The following NELL2 variants were observed in gnomAD, a reference collection of about 807,000 sequenced individuals.
NELL2 encodes the protein neural EGFL like 2, also known as protein kinase C-binding protein NELL2.
NELL2 carries 41 observed loss-of-function variants against 109.6 expected under a neutral mutation model. The ratio of observed to expected loss-of-function variants is 0.37; its 90% CI spans 0.29 to 0.49. NELL2 has a LOEUF of 0.49. Ranked by LOEUF, NELL2 falls within the 20% of genes least tolerant of loss-of-function variation. The pLI is 0.98. For missense variants in NELL2, 900 were observed against 1,008.3 expected (o/e 0.89, Z 1.45); for synonymous variants, 355 against 344.7 (o/e 1.03, Z -0.33).
intron 3 of NELL2, among the ~76,000 whole-genome samples, chr12:44,781,978 T>TA (rs1307331732): frequency 6.6e-5 from 10 of 151,828 alleles, no homozygotes; most frequent in African/African-American, 2.4e-4. Flanking sequence ...ACATAGTATG[T>TA]AAAAAAGAAA....
Position 44,774,727 on chromosome 12 carries a change from A to G in NELL2, c.994+20T>C. On this transcript the variant is annotated intron_variant, in intron 9 of 19. Transcript: ENST00000429094. Reference sequence around the variant, plus strand: ...CTTTATTTTTCCAAAGAAAGTATTCATCATAAAAGTTATGCTCACATTTGC... The same window carrying G: ...CTTTATTTTTCCAAAGAAAGTATTCGTCATAAAAGTTATGCTCACATTTGC... The G allele has an allele frequency of 3.8e-6, 6 of 1,583,250 alleles. 1 individual carries two copies. The highest frequency in any genetic ancestry group is 1.7e-4 in the Middle Eastern group (1 of 6,006).
intron 12 of NELL2, among the ~76,000 whole-genome samples, chr12:44,687,406 C>T (rs1049994873): frequency 6.6e-6 from 1 of 152,194 alleles, no homozygotes; most frequent in Admixed American, 6.5e-5. Flanking sequence ...GGAGCTGTTC[C>T]TATTCGGCCA....
chr12:44,601,891 A>C (rs942553428), intron 15 of NELL2, among the ~76,000 whole-genome samples: 1 of 152,170 alleles, frequency 6.6e-6, no homozygotes, highest in African/African-American at 2.4e-5. Flanking sequence ...TCTCAGGCCA[A>C]TGTTTCTCTG....
At chr12:44,577,465 G>GTTT (rs746239984) in intron 15 of NELL2, among the ~76,000 whole-genome samples, 1,166 of 83,446 alleles carry the variant, frequency 0.014, 360 homozygotes, top group African/African-American at 0.08. Flanking sequence ...CAGATGAGTA[G>GTTT]TTTTTTTTTT....
At chr12:44,590,487 T>G (rs1295736799) in intron 15 of NELL2, among the ~76,000 whole-genome samples, 1 of 152,132 alleles carries the variant, frequency 6.6e-6, no homozygotes, top group African/African-American at 2.4e-5. Flanking sequence ...TTCAACAGAT[T>G]TTTTAAAGCA....
At chr12:44,890,784 A>G (rs2710449) in intron 1 of NELL2, among the ~76,000 whole-genome samples, 5,281 of 151,528 alleles carry the variant, frequency 0.035, 198 homozygotes, top group African/African-American at 0.086. Context: ...AGGCTGGAGT[A>G]CAATGGTGGC....
chr12:44,663,454 A>C (rs190082388), intron 13 of NELL2, among the ~76,000 whole-genome samples: 71 of 152,316 alleles, frequency 4.7e-4, no homozygotes, highest in African/African-American at 1.5e-3. Context: ...TCATTAAAGA[A>C]ATACATTTTA....
Position 44,655,210 on chromosome 12 carries a change from C to A in NELL2, c.1444+10274G>T, listed in dbSNP as rs1003132538. 3.3e-5 allele frequency among the ~76,000 whole-genome samples: 5 copies of A among 152,194 alleles called. No homozygotes were observed. In the South Asian group the frequency reaches 8.3e-4, roughly 25 times the overall value. ...TTGCTAATGAGGCGGCTCCCACCGT[C>A]CCAGTCCTCAGGTGAGCTTGCAGAG... On this transcript the variant is annotated intron_variant, in intron 13 of 19. Transcript: ENST00000429094.
chr12:44,739,962 C>G (rs1258763690), intron 9 of NELL2, among the ~76,000 whole-genome samples: 1 of 152,170 alleles, frequency 6.6e-6, no homozygotes, highest in African/African-American at 2.4e-5. Context: ...ATTTTCATAT[C>G]ATTTGTGGCT....
At chr12:44,823,779 G>A (rs989391390) in intron 2 of NELL2, among the ~76,000 whole-genome samples, 1 of 152,114 alleles carries the variant, frequency 6.6e-6, no homozygotes, top group African/African-American at 2.4e-5. Context: ...GGATCACATA[G>A]TAGTTCTATT....
intron 1 of NELL2, among the ~76,000 whole-genome samples, chr12:44,884,950 G>A (rs760511185): frequency 6.6e-6 from 1 of 151,974 alleles, no homozygotes; most frequent in African/African-American, 2.4e-5. Context: ...CATTGTATTG[G>A]AGATTATATT....
At position 44,746,700 on chromosome 12, in the gene NELL2, G is replaced by C. The variant is rs1479927044; in HGVS notation, c.994+28047C>G. 2.0e-5 allele frequency among the ~76,000 whole-genome samples: 3 copies of C among 152,186 alleles called. No individual in the cohort carries two copies. The East Asian group carries it at 5.8e-4, about 29-fold the overall frequency. On this transcript the variant is annotated intron_variant, in intron 9 of 19. Transcript: ENST00000429094. ...GCAGCCAAAAAACACATGAAAAAAT[G>C]CTCATCATCACTGGCCATCAGAGAA...
chr12:44,736,202 G>T (rs1939641251), intron 9 of NELL2, among the ~76,000 whole-genome samples: 2 of 151,454 alleles, frequency 1.3e-5, no homozygotes, highest in African/African-American at 2.4e-5. Context: ...GTAGAGACGG[G>T]GTTTCACCGT....
chr12:44,729,739 C>T lies in NELL2; in HGVS notation c.995-14998G>A, dbSNP rs186470337. Among the ~76,000 whole-genome samples, 795 of 150,982 alleles carry T rather than the reference C, an allele frequency of 5.3e-3. 8 individuals are homozygous for T. Among genetic ancestry groups the T allele is most frequent in the African/African-American group, 0.018 (736 of 41,110 alleles). The stretch of plus-strand genomic sequence containing the variant: ...TTTTTTGAGATGGATTACAGGCATG[C>T]GCCTGTACTAGGATTACAGGCGTGA... On this transcript the variant is annotated intron_variant, in intron 9 of 19. Coordinates refer to ENST00000429094, the MANE Select transcript of NELL2 (RefSeq NM_001145108.2).
At chr12:44,628,092 C>G (rs114403080) in intron 13 of NELL2, among the ~76,000 whole-genome samples, 2 of 151,984 alleles carry the variant, frequency 1.3e-5, no homozygotes, top group African/African-American at 4.8e-5. Flanking sequence ...ATGTGCACAG[C>G]AGTAAAACAA....
chr12:44,909,278 T>C (rs1333717448), intron 1 of NELL2, among the ~76,000 whole-genome samples: 3 of 151,868 alleles, frequency 2.0e-5, no homozygotes, highest in African/African-American at 7.2e-5. Flanking sequence ...CATTCCTATA[T>C]ACCAATAATG....
At chr12:44,876,845 G>T (rs1048032125), upstream of NELL2, 44 of 1,312,128 alleles carry the variant, frequency 3.4e-5, no homozygotes, top group Non-Finnish European at 4.1e-5. Flanking sequence ...GGCAAAGTAG[G>T]TAGAGACTGG....
intron 9 of NELL2, among the ~76,000 whole-genome samples, chr12:44,749,847 T>C (rs1736256828): frequency 6.6e-6 from 1 of 152,062 alleles, no homozygotes; most frequent in African/African-American, 2.4e-5. Flanking sequence ...AAGCACTATC[T>C]TGTGCACTAC....
intron 2 of NELL2, among the ~76,000 whole-genome samples, chr12:44,841,308 T>C (rs4300447): frequency 0.14 from 20,744 of 152,200 alleles, 1,757 homozygotes; most frequent in East Asian, 0.23. Context: ...TTCTATAGAT[T>C]AAATCCTTAA....
Sources: gnomAD v4.1 joint callset for allele counts (sites outside exome capture counted in the v4.1 genomes callset) on GRCh38, gnomAD v4.1.1 for gene constraint, MANE v1.5 for transcripts, NCBI Gene and HGNC (gene_info 2026-07-23, HGNC 2026-07-21) for gene names.